Variants in MICALL1 observed in about 807,000 individuals in gnomAD.
MICALL1 encodes the protein MICAL like 1.
MICALL1 carries 61 observed loss-of-function variants against 83.7 expected under a neutral mutation model. That is an observed-to-expected ratio of 0.73 (90% CI 0.59 to 0.90). The LOEUF is 0.90. Among genes scored for constraint, MICALL1 ranks in the 40% least tolerant of loss-of-function variants. MICALL1 has a pLI of 0.00. For missense variants in MICALL1, 1,066 were observed against 1,152.0 expected (o/e 0.93, Z 1.08); for synonymous variants, 481 against 473.6 (o/e 1.02, Z -0.20).
At position 37,906,714 on chromosome 22, in the gene MICALL1, C is replaced by G; in HGVS notation, c.146+146C>G. The G allele has an allele frequency of 1.3e-6, 1 of 770,874 alleles. No homozygotes were observed. The highest frequency in any genetic ancestry group is 1.7e-6 in the Non-Finnish European group (1 of 604,470). The allele number at this position is 770,874 out of a possible 1,614,324, so 47.8% of individuals were successfully genotyped here. ...CGACCCCCCCGACGGCCCCGGACGC[C>G]GGGCGGGTCCCTGAGACCCCGGCCC... On this transcript the variant is annotated intron_variant, in intron 1 of 15. Transcript: ENST00000215957. This position sits in a 1 kb window ranked among gnomAD's most constrained non-coding sequence, Gnocchi z 4.4.
intron 3 of MICALL1, among the ~76,000 whole-genome samples, chr22:37,912,922 A>G (rs1279950449): frequency 2.0e-5 from 3 of 150,424 alleles, no homozygotes; most frequent in Non-Finnish European, 4.4e-5. Flanking sequence ...TGGCCTCCCC[A>G]AGTGCTGGGA....
In MICALL1 at chr22:37,932,897, C is replaced by G. The variant is rs1473583117; in HGVS notation, c.2234+9C>G. The stretch of plus-strand genomic sequence containing the variant: ...TCCGAGCTCATCTATGTGTGAGTCC[C>G]CCCGCCTGGGGCATCCCTCCCTGGA... On this transcript the variant is annotated intron_variant, in intron 12 of 15. Transcript: ENST00000215957. The surrounding 1 kb of genome is among the most constrained non-coding windows in gnomAD (Gnocchi z 4.4). 2 of 1,614,014 alleles carry G rather than the reference C, an allele frequency of 1.2e-6. No homozygotes were observed. The highest frequency in any genetic ancestry group is 1.7e-6 in the Non-Finnish European group (2 of 1,179,898).
chr22:37,917,149 G>A (rs1331644882), intron 3 of MICALL1, among the ~76,000 whole-genome samples: 1 of 152,102 alleles, frequency 6.6e-6, no homozygotes, highest in Non-Finnish European at 1.5e-5. Flanking sequence ...TGGGATTATA[G>A]ACGTGAGCCA....
chr22:37,906,351 C>T lies in MICALL1; in HGVS notation c.-72C>T. The T allele has an allele frequency of 1.0e-6, 1 of 988,584 alleles. No homozygotes were observed. Among genetic ancestry groups the T allele is most frequent in the Non-Finnish European group, 1.2e-6 (1 of 829,170 alleles). The allele number at this position is 988,584 out of a possible 1,614,324, so 61.2% of individuals were successfully genotyped here. ...CGCAGCCGCAGCCGGAAACCGGGCC[C>T]GCGCGGCGGCCGCCGTCCCGGCCAA... On this transcript the variant is annotated 5_prime_UTR_variant, in exon 1 of 16. Coordinates refer to ENST00000215957, the MANE Select transcript of MICALL1 (RefSeq NM_033386.4). The surrounding 1 kb of genome is among the most constrained non-coding windows in gnomAD (Gnocchi z 4.4).
At position 37,912,041 on chromosome 22, in the gene MICALL1, ATGTGTG is replaced by A. The variant is rs3041723; in HGVS notation, c.195+59_195+64del. The A allele has an allele frequency of 8.8e-3, 12,739 of 1,440,568 alleles. 1 individual carries two copies. The highest frequency in any genetic ancestry group is 9.5e-3 in the Non-Finnish European group (9,894 of 1,043,326). The allele number at this position is 1,440,568 out of a possible 1,614,324, so 89.2% of individuals were successfully genotyped here. A position where few individuals can be genotyped will look rare whatever the true frequency, so the allele number is the denominator to read the frequency against. ...GGTGGAAGCCCAAGAGGCTCTGTGT[ATGTGTG>A]TGTGTGTGTGTGTGTGTTTGGTGGG... is the stretch of plus-strand genomic sequence containing the variant. On this transcript the variant is annotated intron_variant, in intron 2 of 15. Coordinates refer to ENST00000215957, the MANE Select transcript of MICALL1 (RefSeq NM_033386.4).
Position 37,919,187 on chromosome 22 carries a change from C to T in MICALL1, c.569+9C>T. On this transcript the variant is annotated intron_variant, in intron 5 of 15. Transcript: ENST00000215957. ...CATCGCCACTGCTTCCGGTGAGTGG[C>T]CAGGGCCGCGTGTTACCCCCGAAAC... 2 of 1,519,598 alleles carry T rather than the reference C, an allele frequency of 1.3e-6. No homozygotes were observed. Among genetic ancestry groups the T allele is most frequent in the Non-Finnish European group, 1.8e-6 (2 of 1,126,092 alleles). The allele number at this position is 1,519,598 out of a possible 1,614,324, so 94.1% of individuals were successfully genotyped here. A position where few individuals can be genotyped will look rare whatever the true frequency, so the allele number is the denominator to read the frequency against.
rs377381715 is a variant in MICALL1 at position 37,922,234 on chromosome 22, C to A, written c.832C>A (p.Pro278Thr). ...ACCCAAGGCCAGCCCTGAGGCCCGG[C>A]CGCAGATCCCTACCAAGCCCCGGGT... ...DGPKASPEAR[P>T]QIPTKPRVPG... The change falls in exon 6 of 16, where the codon CCG becomes ACG. Residue 278 changes from proline to threonine, a missense_variant. By Grantham distance (38) the Pro-to-Thr change is conservative. Transcript: ENST00000215957. The A allele has an allele frequency of 6.0e-5, 97 of 1,604,958 alleles. No individual in the cohort carries two copies. The highest frequency in any genetic ancestry group is 4.2e-6 in the Non-Finnish European group (5 of 1,176,512).
rs1186901815 is a variant in MICALL1 at position 37,934,828 on chromosome 22, C to A, written c.2308+1716C>A. Among the ~76,000 whole-genome samples the A allele has an allele frequency of 3.1e-4, 47 of 150,804 alleles. 1 individual carries two copies. Among genetic ancestry groups the A allele is most frequent in the Admixed American group, 3.0e-3 (45 of 15,072 alleles). On this transcript the variant is annotated intron_variant, in intron 13 of 15. Transcript: ENST00000215957. Reference sequence around the variant, plus strand: ...AGCCAGGATGGTCTCGATCTCCTGACCTTGTGATCCACCCACCTTAGCCTC... The same window carrying A: ...AGCCAGGATGGTCTCGATCTCCTGAACTTGTGATCCACCCACCTTAGCCTC...
At chr22:37,915,234 A>G (rs549765873) in intron 3 of MICALL1, among the ~76,000 whole-genome samples, 82 of 152,324 alleles carry the variant, frequency 5.4e-4, no homozygotes, top group Non-Finnish European at 1.0e-3. Context: ...CCTGGGCAAC[A>G]GAGCGAGACC....
chr22:37,907,221 G>A (rs1203753487), intron 1 of MICALL1: 1 of 152,472 alleles, frequency 6.6e-6, no homozygotes, highest in Non-Finnish European at 1.5e-5. Context: ...TCCTCAGTGG[G>A]GCACGCAGGT....
chr22:37,932,646 C>G lies in MICALL1; in HGVS notation c.2110C>G (p.Leu704Val). 1 of 1,614,056 alleles carries G rather than the reference C, an allele frequency of 6.2e-7. No homozygotes were observed. Among genetic ancestry groups the G allele is most frequent in the East Asian group, 2.2e-5 (1 of 44,872 alleles). Residue 704 changes from leucine to valine, a missense_variant, in exon 11 of 16, where the codon CTG (leucine) becomes GTG (valine). Coordinates refer to ENST00000215957, the MANE Select transcript of MICALL1 (RefSeq NM_033386.4). This position sits in a 1 kb window ranked among gnomAD's most constrained non-coding sequence, Gnocchi z 4.4. ...GGATGCCCTGGAGCACCGTGGGGTG[C>G]TGCTGGAGGAGAAGCTGCGTGGCGG... is the stretch of plus-strand genomic sequence containing the variant. ...RLDALEHRGV[L>V]LEEKLRGGLN...
intron 5 of MICALL1, among the ~76,000 whole-genome samples, chr22:37,919,873 C>T (rs978706566): frequency 1.3e-5 from 2 of 151,756 alleles, no homozygotes; most frequent in Non-Finnish European, 2.9e-5. Flanking sequence ...CCTGTAATCC[C>T]GGCTACTCGG....
intron 9 of MICALL1, 99 bp from the exon 10 acceptor site, chr22:37,931,700 G>T: frequency 3.4e-6 from 5 of 1,453,868 alleles, no homozygotes; most frequent in Non-Finnish European, 4.7e-6. Context: ...GCTGGCCCTG[G>T]AGTGCTGGCC....
intron 6 of MICALL1, among the ~76,000 whole-genome samples, chr22:37,923,552 C>T (rs1430046809): frequency 6.6e-6 from 1 of 152,156 alleles, no homozygotes; most frequent in Admixed American, 6.5e-5. Flanking sequence ...TAATTCCTGC[C>T]CCAAATGCCG....
rs933331577 is a variant in MICALL1, at chr22:37,932,446, A to G, written c.2017-107A>G. The G allele has an allele frequency of 4.0e-6, 6 of 1,513,836 alleles. No individual in the cohort carries two copies. The South Asian group carries it at 7.7e-5, about 19-fold the overall frequency. 93.8% of individuals were successfully genotyped at this position (1,513,836 alleles called of 1,614,324 possible). A position where few individuals can be genotyped will look rare whatever the true frequency, so the allele number is the denominator to read the frequency against. On this transcript the variant is annotated intron_variant, in intron 10 of 15. Coordinates refer to ENST00000215957, the MANE Select transcript of MICALL1 (RefSeq NM_033386.4). This position sits in a 1 kb window ranked among gnomAD's most constrained non-coding sequence, Gnocchi z 4.4. ...TTCTTACCATGCTGGGGTGGGGGAC[A>G]GGGCCCGGGCCCTGGAGCCACCAGT...
intron 13 of MICALL1, 70 bp downstream of exon 13, chr22:37,933,182 G>T: frequency 6.5e-7 from 1 of 1,526,972 alleles, no homozygotes. Flanking sequence ...GTGGGGGAGC[G>T]GGCAGACAAA....
chr22:37,906,669 G>T lies in MICALL1; in HGVS notation c.146+101G>T. 9.5e-7 allele frequency: 1 copy of T among 1,058,196 alleles called. No homozygotes were observed. Among genetic ancestry groups the T allele is most frequent in the Non-Finnish European group, 1.2e-6 (1 of 861,298 alleles). 65.6% of individuals were successfully genotyped at this position (1,058,196 alleles called of 1,614,324 possible). ...CGAAGCCCGGGCGGTGACAGGCGCC[G>T]CCCCCGGACACGGAGACGCCGACCC... On this transcript the variant is annotated intron_variant, in intron 1 of 15. Coordinates refer to ENST00000215957, the MANE Select transcript of MICALL1 (RefSeq NM_033386.4). This position sits in a 1 kb window ranked among gnomAD's most constrained non-coding sequence, Gnocchi z 4.4.
chr22:37,937,418 C>CTT lies in MICALL1; in HGVS notation c.2423+245_2423+246dup, dbSNP rs34844677. Reference sequence around the variant, plus strand: ...CCCGTAGGACTCTCAGCTGCCGCTGCTTTTTTTTTTTTTTTTTTTTTTGAG... The same window carrying CTT: ...CCCGTAGGACTCTCAGCTGCCGCTGCTTTTTTTTTTTTTTTTTTTTTTTTGAG... On this transcript the variant is annotated intron_variant, in intron 14 of 15. Transcript: ENST00000215957. Among the ~76,000 whole-genome samples the CTT allele has an allele frequency of 3.6e-3, 403 of 113,352 alleles. 6 individuals are homozygous for CTT. Among genetic ancestry groups the CTT allele is most frequent in the East Asian group, 0.011 (44 of 3,948 alleles). 74.4% of individuals were successfully genotyped at this position (113,352 alleles called of 152,430 possible).
In MICALL1 at chr22:37,911,972, AG is replaced by A; in HGVS notation, c.169del (p.Asp57ThrfsTer32). 6.2e-7 allele frequency: 1 copy of A among 1,614,132 alleles called. No homozygotes were observed. Among genetic ancestry groups the A allele is most frequent in the African/African-American group, 1.3e-5 (1 of 75,026 alleles). ...TGCAGAGATTTTGATTCGCTTTCCAAGGACAATGTCTTCGAGAATAACCGTT... is the reference window on the plus strand; with the variant it reads ...TGCAGAGATTTTGATTCGCTTTCCAAGACAATGTCTTCGAGAATAACCGTT... ...PDLLDFDSLS[K>X]DNVFENNRLA... is the part of the protein sequence containing the mutation. On this transcript the variant is annotated frameshift_variant, in exon 2 of 16. Coordinates refer to ENST00000215957, the MANE Select transcript of MICALL1 (RefSeq NM_033386.4). LOFTEE classifies it high-confidence loss of function.
Sources: allele counts gnomAD v4.1 joint callset (sites outside exome capture counted in the v4.1 genomes callset), GRCh38; gene constraint gnomAD v4.1.1; non-coding constraint Gnocchi (gnomAD v3.1); transcripts MANE v1.5; gene names NCBI Gene and HGNC (gene_info 2026-07-23, HGNC 2026-07-21).